The following EXOC1 variants were observed in gnomAD, a reference collection of about 807,000 sequenced individuals.
The protein encoded by EXOC1 is exocyst complex component 1.
EXOC1 carries 67 observed loss-of-function variants against 107.7 expected under a neutral mutation model. The ratio of observed to expected loss-of-function variants is 0.62; its 90% CI spans 0.51 to 0.76. The LOEUF is 0.76. EXOC1 is among the 30% of genes least tolerant of loss of function. The pLI is 0.00. For missense variants in EXOC1, 833 were observed against 1,055.7 expected (o/e 0.79, Z 2.92); for synonymous variants, 348 against 353.5 (o/e 0.98, Z 0.17).
At chr4:55,857,628 G>C (rs1038346222) in intron 1 of EXOC1, among the ~76,000 whole-genome samples, 9 of 151,154 alleles carry the variant, frequency 6.0e-5, no homozygotes, top group African/African-American at 2.2e-4. Context: ...GTGGACATAT[G>C]TTTTCAGTTC....
intron 12 of EXOC1, 137 bp downstream of exon 12, chr4:55,890,523 G>T: frequency 6.3e-5 from 23 of 362,368 alleles, no homozygotes; most frequent in Non-Finnish European, 8.2e-5. Context: ...CAACTGAATC[G>T]AATCTGGGAA....
At chr4:55,896,641 A>G in intron 15 of EXOC1, 76 bp from the exon 16 acceptor site, 1 of 1,180,550 alleles carries the variant, frequency 8.5e-7, no homozygotes. Flanking sequence ...ATCTCCATCT[A>G]TATATTTTGT....
chr4:55,876,968 T>C (rs542410973), intron 8 of EXOC1: 691 of 985,302 alleles, frequency 7.0e-4, no homozygotes, highest in Non-Finnish European at 8.0e-4. Context: ...TCTTTCTCAG[T>C]TACCAAGGAA....
chr4:55,861,860 C>T (rs1342916230), intron 3 of EXOC1, among the ~76,000 whole-genome samples: 1 of 152,188 alleles, frequency 6.6e-6, no homozygotes, highest in Non-Finnish European at 1.5e-5. Flanking sequence ...TCAAGACCAG[C>T]CTGGGTAACA....
At chr4:55,856,007 C>A (rs6830943) in intron 1 of EXOC1, among the ~76,000 whole-genome samples, 96,098 of 152,002 alleles carry the variant, frequency 0.63, 30,718 homozygotes, top group East Asian at 0.82. Flanking sequence ...ATTTGCAGAG[C>A]GGGAGGAGGC....
At chr4:55,895,064 TA>T in intron 15 of EXOC1, among the ~76,000 whole-genome samples, 1 of 152,282 alleles carries the variant, frequency 6.6e-6, no homozygotes, top group East Asian at 1.9e-4. Flanking sequence ...GTTGCATATA[TA>T]TATATAAAGG....
At chr4:55,895,965 C>T (rs987596267) in intron 15 of EXOC1, among the ~76,000 whole-genome samples, 3 of 152,270 alleles carry the variant, frequency 2.0e-5, no homozygotes, top group African/African-American at 4.8e-5. Flanking sequence ...GGTTCTCAAA[C>T]TTGACCACGT....
At chr4:55,898,339 A>G (rs6820052) in intron 16 of EXOC1, among the ~76,000 whole-genome samples, 43,511 of 152,112 alleles carry the variant, frequency 0.29, 6,487 homozygotes, top group East Asian at 0.49. Context: ...AAACTTAAGA[A>G]CAGACAGATA....
rs1387139187 is a variant in EXOC1, at chr4:55,883,299, A to AT, written c.1225-522dup. ...ACAATATAGAGGAAGAGCAATTAAG[A>AT]TTCCCATACACTTTGACCCTGTTAT... On this transcript the variant is annotated intron_variant, in intron 9 of 18. Coordinates refer to ENST00000381295, the MANE Select transcript of EXOC1 (RefSeq NM_001024924.2). The AT allele has an allele frequency of 9.2e-5, 14 of 152,302 alleles. No homozygotes were observed. The East Asian group carries it at 2.5e-3, about 27-fold the overall frequency. 9.4% of individuals were successfully genotyped at this position (152,302 alleles called of 1,614,324 possible).
At chr4:55,898,847 A>G (rs1725554331) in intron 16 of EXOC1, among the ~76,000 whole-genome samples, 4 of 152,186 alleles carry the variant, frequency 2.6e-5, no homozygotes, top group Non-Finnish European at 5.9e-5. Flanking sequence ...CAAATCTTCT[A>G]TTAATAAACA....
At chr4:55,897,014 G>C in intron 16 of EXOC1, 114 bp downstream of exon 16, 1 of 799,602 alleles carries the variant, frequency 1.3e-6, no homozygotes, top group Non-Finnish European at 1.8e-6. Context: ...ATCTTTTTTA[G>C]GTTTTCTAAC....
At chr4:55,861,342 A>G (rs1302164251) in intron 3 of EXOC1, among the ~76,000 whole-genome samples, 2 of 152,208 alleles carry the variant, frequency 1.3e-5, no homozygotes, top group Non-Finnish European at 2.9e-5. Context: ...TACTAGTGAA[A>G]CTACAGGTGC....
chr4:55,900,408 T>G (rs1490677608), intron 17 of EXOC1, among the ~76,000 whole-genome samples: 1 of 152,218 alleles, frequency 6.6e-6, no homozygotes, highest in Non-Finnish European at 1.5e-5. Flanking sequence ...CATTGCCTTT[T>G]ACTTTTCTTT....
At chr4:55,880,330 G>A (rs1035811117) in intron 9 of EXOC1, among the ~76,000 whole-genome samples, 2 of 151,360 alleles carry the variant, frequency 1.3e-5, no homozygotes, top group African/African-American at 2.4e-5. Context: ...ATCTCCTGAG[G>A]TGCTTATATA....
chr4:55,903,028 C>G (rs1179727921), intron 18 of EXOC1, among the ~76,000 whole-genome samples: 1 of 151,600 alleles, frequency 6.6e-6, no homozygotes, highest in Non-Finnish European at 1.5e-5. Flanking sequence ...CCTGTAGTCC[C>G]AGCTACTCGG....
intron 18 of EXOC1, among the ~76,000 whole-genome samples, 172 bp from the exon 19 acceptor site, chr4:55,904,171 A>C (rs1292338315): frequency 6.6e-6 from 1 of 151,384 alleles, no homozygotes; most frequent in Non-Finnish European, 1.5e-5. Context: ...GATGTCATGT[A>C]CTGAAGGTTA....
At chr4:55,898,642 C>T (rs951479770) in intron 16 of EXOC1, among the ~76,000 whole-genome samples, 1 of 152,018 alleles carries the variant, frequency 6.6e-6, no homozygotes, top group Admixed American at 6.6e-5. Flanking sequence ...TTTTAAATTC[C>T]CTGTCCCTCT....
chr4:55,858,785 TTTG>T (rs2110307742), intron 2 of EXOC1, among the ~76,000 whole-genome samples: 1 of 152,336 alleles, frequency 6.6e-6, no homozygotes, highest in South Asian at 2.1e-4. Flanking sequence ...CTTTTACTGA[TTTG>T]TACAAGTTCT....
At chr4:55,896,933 T>C (rs560225365) in intron 16 of EXOC1, 33 bp downstream of exon 16, 6 of 1,524,914 alleles carry the variant, frequency 3.9e-6, no homozygotes, top group Middle Eastern at 3.5e-4. Flanking sequence ...AGAATTGTTA[T>C]AGCTATTGTT....
Sources: allele counts gnomAD v4.1 joint callset (sites outside exome capture counted in the v4.1 genomes callset), GRCh38; gene constraint gnomAD v4.1.1; transcripts MANE v1.5; gene names NCBI Gene and HGNC (gene_info 2026-07-23, HGNC 2026-07-21).